Variants in KCNB2 observed in about 807,000 individuals in gnomAD.
KCNB2 encodes delayed rectifier potassium channel protein.
KCNB2 carries 15 observed loss-of-function variants against 61.5 expected under a neutral mutation model. The ratio of observed to expected loss-of-function variants is 0.24; its 90% confidence interval spans 0.16 to 0.38. The LOEUF is 0.38. KCNB2 is among the 10% of genes least tolerant of loss of function. The pLI is 1.00. For synonymous variants in KCNB2, 457 were observed against 446.0 expected, an observed-to-expected ratio of 1.02 and a Z score of -0.31; for missense variants, 828 against 1,125.2, an observed-to-expected ratio of 0.74 and a Z score of 3.78.
At chr8:72,552,565 G>T (rs1806360918) in intron 1 of KCNB2, among the ~76,000 whole-genome samples, 1 of 152,166 alleles carries the variant, frequency 6.6e-6, no homozygotes. Flanking sequence ...TTCAAAAGCA[G>T]TGTGGTTTAA....
chr8:72,881,851 C>T (rs1346992054), intron 2 of KCNB2: 1 of 152,008 alleles, frequency 6.6e-6, no homozygotes, highest in Non-Finnish European at 1.5e-5. Context: ...GTAGCATCCA[C>T]CTTCTGCTGC....
chr8:72,691,665 C>T (rs1166728386), intron 2 of KCNB2, among the ~76,000 whole-genome samples: 1 of 152,154 alleles, frequency 6.6e-6, no homozygotes, highest in Non-Finnish European at 1.5e-5. Context: ...TCTTGACTTT[C>T]CAAGGCTAAT....
chr8:72,587,356 A>C (rs1320057730), intron 2 of KCNB2, among the ~76,000 whole-genome samples: 2 of 152,118 alleles, frequency 1.3e-5, no homozygotes, highest in Non-Finnish European at 1.5e-5. Context: ...TTCTCTGTGG[A>C]TGGTGGCTCA....
At chr8:72,705,398 AC>A (rs1807204971) in intron 2 of KCNB2, among the ~76,000 whole-genome samples, 2 of 152,232 alleles carry the variant, frequency 1.3e-5, no homozygotes, top group African/African-American at 4.8e-5. Context: ...TCCCTCCCAT[AC>A]ATGGTCCAAT....
chr8:72,713,960 C>G (rs570401785), intron 2 of KCNB2, among the ~76,000 whole-genome samples: 1 of 152,140 alleles, frequency 6.6e-6, no homozygotes, highest in Non-Finnish European at 1.5e-5. Flanking sequence ...CAGAGAAGTC[C>G]TTCAAGGACC....
At chr8:72,580,402 TCA>T (rs1181378556) in intron 2 of KCNB2, among the ~76,000 whole-genome samples, 1 of 152,250 alleles carries the variant, frequency 6.6e-6, no homozygotes. Context: ...CCTGGCTTTC[TCA>T]CAGTTGTATT....
intron 2 of KCNB2, among the ~76,000 whole-genome samples, chr8:72,908,859 A>G (rs1276043128): frequency 6.6e-6 from 1 of 152,212 alleles, no homozygotes; most frequent in African/African-American, 2.4e-5. Flanking sequence ...TCCCTGACCC[A>G]GGGGACCCAC....
Position 72,812,342 on chromosome 8 carries a change from A to T in KCNB2, c.580-123593A>T, listed in dbSNP as rs1809321649. Among the ~76,000 whole-genome samples the T allele has an allele frequency of 2.6e-5, 4 of 151,792 alleles. No individual in the cohort carries two copies. The South Asian group carries it at 8.3e-4, about 32-fold the overall frequency. ...TTCTTTCTTATCTAAAAATAGTACC[A>T]GATTTACTTTCTTCTTTCCAGTTTT... On this transcript the variant is annotated intron_variant, in intron 2 of 2. Transcript: ENST00000523207.
At chr8:72,649,783 T>C (rs1806186092) in intron 2 of KCNB2, among the ~76,000 whole-genome samples, 1 of 152,122 alleles carries the variant, frequency 6.6e-6, no homozygotes, top group Non-Finnish European at 1.5e-5. Context: ...TTTTTCTCTT[T>C]GTGGGGATTC....
At chr8:72,800,623 A>G (rs1809110180) in intron 2 of KCNB2, among the ~76,000 whole-genome samples, 1 of 151,950 alleles carries the variant, frequency 6.6e-6, no homozygotes, top group African/African-American at 2.4e-5. Flanking sequence ...AAAAGATTCA[A>G]TATCTAATTT....
chr8:72,756,013 G>C (rs544556700), intron 2 of KCNB2, among the ~76,000 whole-genome samples: 1 of 152,154 alleles, frequency 6.6e-6, no homozygotes, highest in Non-Finnish European at 1.5e-5. Flanking sequence ...CTGCTTTCTG[G>C]CCATGACTAC....
At chr8:72,863,408 G>T (rs1805451066) in intron 2 of KCNB2, among the ~76,000 whole-genome samples, 2 of 152,108 alleles carry the variant, frequency 1.3e-5, no homozygotes, top group East Asian at 1.9e-4. Flanking sequence ...TTAGGTTTTT[G>T]TATATTTTAG....
chr8:72,936,785 A>G lies in KCNB2; in HGVS notation c.1430A>G (p.Asn477Ser). 6.2e-7 allele frequency: 1 copy of G among 1,614,218 alleles called. No homozygotes were observed. Among genetic ancestry groups the G allele is most frequent in the East Asian group, 2.2e-5 (1 of 44,880 alleles). The change falls in exon 3 of 3, where the codon AAC becomes AGC. Residue 477 changes from asparagine to serine, a missense_variant. By Grantham distance (46) the Asn-to-Ser change is conservative (BLOSUM62 1). Transcript: ENST00000523207. The surrounding 1 kb of genome is among the most constrained non-coding windows in gnomAD (Gnocchi z 5.6). ...GTTGAGAAGGCCGGAGAGTCCGCCAACACAAAGGACTCCGCCGACGATAAT... is the reference window on the plus strand; with the variant it reads ...GTTGAGAAGGCCGGAGAGTCCGCCAGCACAAAGGACTCCGCCGACGATAAT... ...VAVEKAGESA[N>S]TKDSADDNHL...
intron 2 of KCNB2, among the ~76,000 whole-genome samples, chr8:72,677,671 T>A (rs536459477): frequency 6.6e-6 from 1 of 152,340 alleles, no homozygotes; most frequent in Non-Finnish European, 1.5e-5. Context: ...GCTACCAGGA[T>A]GCTTTCTCTT....
At chr8:72,931,427 T>C (rs982209566) in intron 2 of KCNB2, among the ~76,000 whole-genome samples, 1 of 152,226 alleles carries the variant, frequency 6.6e-6, no homozygotes, top group African/African-American at 2.4e-5. Context: ...TTCCTATCCA[T>C]GAGCATGGAA....
chr8:72,899,109 ATTCACTAC>A (rs934302205), intron 2 of KCNB2, among the ~76,000 whole-genome samples: 72 of 152,324 alleles, frequency 4.7e-4, no homozygotes, highest in African/African-American at 1.5e-3. Flanking sequence ...AATAAACGTG[ATTCACTAC>A]TTAAGCAGAA....
chr8:72,652,918 A>G (rs1158192983), intron 2 of KCNB2, among the ~76,000 whole-genome samples: 1 of 152,130 alleles, frequency 6.6e-6, no homozygotes, highest in Non-Finnish European at 1.5e-5. Context: ...AGGGGTCAGC[A>G]GTGTTGATGC....
intron 2 of KCNB2, among the ~76,000 whole-genome samples, chr8:72,787,847 C>A (rs1036687616): frequency 2.6e-5 from 4 of 151,956 alleles, no homozygotes; most frequent in African/African-American, 7.3e-5. Context: ...TCACTTTAAC[C>A]AATTTTTGCT....
At chr8:72,862,609 A>T (rs1390908564) in intron 2 of KCNB2, among the ~76,000 whole-genome samples, 8 of 152,350 alleles carry the variant, frequency 5.3e-5, no homozygotes, top group African/African-American at 1.7e-4. Flanking sequence ...TATAAAGGAC[A>T]GGAGTTTCCA....
Sources: allele counts gnomAD v4.1 joint callset (sites outside exome capture counted in the v4.1 genomes callset), GRCh38; gene constraint gnomAD v4.1.1; non-coding constraint Gnocchi (gnomAD v3.1); transcripts MANE v1.5; gene names NCBI Gene and HGNC (gene_info 2026-07-23, HGNC 2026-07-21).